CZIB: variants seen among roughly 807,000 people sequenced by gnomAD.
CZIB encodes CXXC motif containing zinc binding protein.
A neutral mutation model predicts 28.3 loss-of-function variants in CZIB; 26 were observed. That is an observed-to-expected ratio of 0.92 (90% CI 0.67 to 1.27). The LOEUF is 1.27. Among genes scored for constraint, CZIB ranks in the 50% most tolerant of loss-of-function variants. CZIB has a pLI of 0.00. For synonymous variants in CZIB, 78 were observed against 71.1 expected, an observed-to-expected ratio of 1.10 and a Z score of -0.49; for missense variants, 179 against 197.3, an observed-to-expected ratio of 0.91 and a Z score of 0.56.
In CZIB at chr1:53,218,894, C is replaced by T. The variant is rs148279601; in HGVS notation, c.120G>A (p.Ser40=). The change falls in exon 3 of 8, where the codon TCG becomes TCA. Residue 40 remains serine (S), a synonymous_variant. Transcript: ENST00000294360. ...KMKCGNCGEI[S]DKWQYIRLMD... is the part of the protein sequence containing the mutation. ...TCAGCCGGATGTACTGCCACTTGTC[C>T]GAAATCTCACCACAGTTGCCACATT... is the stretch of plus-strand genomic sequence containing the variant. The T allele has an allele frequency of 3.8e-5, 62 of 1,613,704 alleles. No homozygotes were observed. Among genetic ancestry groups the T allele is most frequent in the Admixed American group, 3.7e-4 (22 of 59,988 alleles).
At chr1:53,216,124 G>T in intron 6 of CZIB, 68 bp from the exon 7 acceptor site, 1 of 1,480,496 alleles carries the variant, frequency 6.8e-7, no homozygotes, top group Non-Finnish European at 9.4e-7. Context: ...GTAAGGGCCG[G>T]CCAGGCTGCT....
chr1:53,217,714 C>T (rs1049415613), intron 5 of CZIB: 1 of 157,516 alleles, frequency 6.3e-6, no homozygotes, highest in Non-Finnish European at 1.4e-5. Flanking sequence ...TAAATAAATA[C>T]CAAATAAGGA....
At chr1:53,215,956 C>G (rs762004097) in intron 7 of CZIB, 35 bp downstream of exon 7, 1 of 1,600,758 alleles carries the variant, frequency 6.2e-7, no homozygotes, top group South Asian at 1.1e-5. Context: ...CACCAGGTGC[C>G]CTACAGTACC....
At chr1:53,219,771 T>G in intron 2 of CZIB, 1 of 154,274 alleles carries the variant, frequency 6.5e-6, no homozygotes, top group Non-Finnish European at 1.4e-5. Context: ...TGACCAGGAG[T>G]AAAACAGAGC....
At chr1:53,215,913 T>C (rs1645468928) in intron 7 of CZIB, 78 bp downstream of exon 7, 2 of 1,438,938 alleles carry the variant, frequency 1.4e-6, no homozygotes, top group Admixed American at 1.8e-5. Flanking sequence ...TGGCTTTCCA[T>C]TGATGAGCCT....
chr1:53,220,492 C>T (rs1021438931), intron 1 of CZIB, 78 bp downstream of exon 1: 4 of 1,595,610 alleles, frequency 2.5e-6, no homozygotes, highest in Middle Eastern at 1.7e-4. Context: ...CGCTTCATCT[C>T]CTCCTGGCGC....
rs1447151614 is a variant in CZIB at position 53,216,006 on chromosome 1, A to G, written c.390T>C (p.Ile130=). 1 of 1,613,940 alleles carries G rather than the reference A, an allele frequency of 6.2e-7. No individual in the cohort carries two copies. The highest frequency in any genetic ancestry group is 8.5e-7 in the Non-Finnish European group (1 of 1,179,942). Residue 130 remains isoleucine (I), a synonymous_variant, in exon 7 of 8, where the codon ATT becomes ATC. Transcript: ENST00000294360. ...GVESGTAFSD[I]NLQEKDWTDY... ...AGTCTCATACCTTCTCCTGCAGATT[A>G]ATGTCACTGAAGGCTGTCCCTGACT... is the stretch of plus-strand genomic sequence containing the variant.
intron 2 of CZIB, chr1:53,219,203 A>G: frequency 2.4e-6 from 1 of 414,608 alleles, no homozygotes; most frequent in East Asian, 5.6e-5. Flanking sequence ...GTTTCAGCGG[A>G]GGTGAGGGGG....
rs775218797 is a variant in CZIB at position 53,215,944 on chromosome 1, C to A, written c.405+47G>T. 3.2e-6 allele frequency: 5 copies of A among 1,577,898 alleles called. No individual in the cohort carries two copies. In the South Asian group the frequency reaches 5.6e-5, roughly 18 times the overall value. On this transcript the variant is annotated intron_variant, in intron 7 of 7. Coordinates refer to ENST00000294360, the MANE Select transcript of CZIB (RefSeq NM_017887.3). ...AGCCTTGTCCACCAAAAAAATAATT[C>A]CCACCAGGTGCCCTACAGTACCTCC...
intron 2 of CZIB, 188 bp downstream of exon 2, chr1:53,220,073 T>C (rs778355802): frequency 1.7e-6 from 1 of 590,158 alleles, no homozygotes. Flanking sequence ...AATGAAGCTT[T>C]CCAAGACTGC....
chr1:53,218,681 T>G (rs1645490470), intron 3 of CZIB, 186 bp from the exon 4 acceptor site: 1 of 793,548 alleles, frequency 1.3e-6, no homozygotes, highest in South Asian at 1.8e-5. Flanking sequence ...GATTTTGAAC[T>G]CTGCCTCATA....
intron 6 of CZIB, among the ~76,000 whole-genome samples, 158 bp downstream of exon 6, chr1:53,216,624 G>C (rs1645475475): frequency 6.6e-6 from 1 of 152,154 alleles, no homozygotes; most frequent in South Asian, 2.1e-4. Context: ...TGATGGCATG[G>C]GTGCCCAAGC....
Position 53,220,259 on chromosome 1 carries a change from A to C in CZIB, c.90+2T>G, listed in dbSNP as rs1026443979. ...TCTCCCCGGGCCCCGCCCCGGCCGC[A>C]CCTTCAGGTACCACCGGAAGTCCTC... is the stretch of plus-strand genomic sequence containing the variant. On this transcript the variant is annotated splice_donor_variant, in intron 2 of 7. Transcript: ENST00000294360. LOFTEE classifies it high-confidence loss of function. 3.8e-5 allele frequency: 61 copies of C among 1,612,614 alleles called. No individual in the cohort carries two copies. Among genetic ancestry groups the C allele is most frequent in the Admixed American group, 1.0e-4 (6 of 59,970 alleles).
chr1:53,218,852 GC>G lies in CZIB; in HGVS notation c.147+14del, dbSNP rs750355454. ...TGTGAGTGTTTATGTTGGGGGTTGG[GC>G]GGGGAACAGTTACCATCAGCCGGAT... On this transcript the variant is annotated intron_variant, in intron 3 of 7. Coordinates refer to ENST00000294360, the MANE Select transcript of CZIB (RefSeq NM_017887.3). 3.7e-4 allele frequency: 595 copies of G among 1,596,794 alleles called. 4 individuals are homozygous for G. The South Asian group carries it at 4.2e-3, about 11-fold the overall frequency.
rs752191651 is a variant in CZIB at position 53,220,274 on chromosome 1, C to T, written c.77G>A (p.Arg26Gln). The part of the protein sequence containing the change: ...TNLRPVGEDF[R>Q]WYLKMKCGNC... ...CCCCGGCCGCACCTTCAGGTACCAC[C>T]GGAAGTCCTCGCCCACGGGCCGGAG... Residue 26 changes from arginine to glutamine, a missense_variant, in exon 2 of 8, where the codon CGG becomes CAG. Physicochemically the swap from Arg to Gln is conservative, Grantham distance 43. Transcript: ENST00000294360. The T allele has an allele frequency of 1.2e-6, 2 of 1,613,480 alleles. No homozygotes were observed. Among genetic ancestry groups the T allele is most frequent in the Admixed American group, 3.3e-5 (2 of 60,016 alleles).
In CZIB at chr1:53,218,214, A is replaced by C; in HGVS notation, c.230-11T>G. On this transcript the variant is annotated splice_polypyrimidine_tract_variant and intron_variant, in intron 4 of 7. Coordinates refer to ENST00000294360, the MANE Select transcript of CZIB (RefSeq NM_017887.3). ...TGCTGCTTAAAATCTCTGAAATAGA[A>C]AAGAGAACACAAAGTTGACTTGAGT... 1 of 1,614,096 alleles carries C rather than the reference A, an allele frequency of 6.2e-7. No individual in the cohort carries two copies. The highest frequency in any genetic ancestry group is 8.5e-7 in the Non-Finnish European group (1 of 1,179,956).
rs763050513 is a variant in CZIB at position 53,218,250 on chromosome 1, G to A, written c.230-47C>T. On this transcript the variant is annotated intron_variant, in intron 4 of 7. Coordinates refer to ENST00000294360, the MANE Select transcript of CZIB (RefSeq NM_017887.3). ...AAAGTTGACTTGAGTCCATACCCTCGCCCCAGCCAGGTGCCCACATGTGGC... is the reference window on the plus strand; with the variant it reads ...AAAGTTGACTTGAGTCCATACCCTCACCCCAGCCAGGTGCCCACATGTGGC... The A allele has an allele frequency of 7.5e-6, 12 of 1,608,560 alleles. No individual in the cohort carries two copies. In the African/African-American group the frequency reaches 1.1e-4, roughly 14 times the overall value.
intron 1 of CZIB, 39 bp from the exon 2 acceptor site, chr1:53,220,383 T>G (rs763768952): frequency 4.4e-6 from 7 of 1,602,242 alleles, no homozygotes; most frequent in Middle Eastern, 3.3e-4. Context: ...CAGCCGTGCC[T>G]GCGCAGCCCC....
chr1:53,216,861 T>A lies in CZIB; in HGVS notation c.262-2A>T. ...CTTGAAGTTCTCATTGTCTTCAGCC[T>A]AGAAAGGAAGTGTGTTGAGGAGGCA... is the stretch of plus-strand genomic sequence containing the variant. On this transcript the variant is annotated splice_acceptor_variant, in intron 5 of 7. Coordinates refer to ENST00000294360, the MANE Select transcript of CZIB (RefSeq NM_017887.3). LOFTEE classifies it high-confidence loss of function. 2 of 1,613,908 alleles carry A rather than the reference T, an allele frequency of 1.2e-6. No homozygotes were observed. Among genetic ancestry groups the A allele is most frequent in the Non-Finnish European group, 1.7e-6 (2 of 1,179,764 alleles).
Sources: allele counts gnomAD v4.1 joint callset (sites outside exome capture counted in the v4.1 genomes callset), GRCh38; gene constraint gnomAD v4.1.1; transcripts MANE v1.5; gene names NCBI Gene and HGNC (gene_info 2026-07-23, HGNC 2026-07-21).